The following CACNA2D3 variants were observed in gnomAD, a reference collection of about 807,000 sequenced individuals.
CACNA2D3 encodes the protein voltage-dependent calcium channel subunit alpha-2/delta-3.
A neutral mutation model predicts 160.6 loss-of-function variants in CACNA2D3; 60 were observed. That is an observed-to-expected ratio of 0.37 (90% CI 0.30 to 0.46). The LOEUF (loss-of-function observed/expected upper bound fraction) is 0.46. Among genes scored for constraint, CACNA2D3 ranks in the 20% least tolerant of loss-of-function variants. The pLI, the probability that CACNA2D3 is intolerant of heterozygous loss-of-function variation, is 1.00. For missense variants in CACNA2D3, 1,205 were observed against 1,365.0 expected (o/e 0.88, Z 1.85); for synonymous variants, 558 against 492.9 (o/e 1.13, Z -1.75).
At chr3:54,314,848 C>T (rs1213928152) in intron 2 of CACNA2D3, among the ~76,000 whole-genome samples, 2 of 152,230 alleles carry the variant, frequency 1.3e-5, no homozygotes, top group South Asian at 2.1e-4. Flanking sequence ...AGACAGGATG[C>T]AAAGCCAGCC....
intron 9 of CACNA2D3, among the ~76,000 whole-genome samples, chr3:54,617,088 G>C (rs1435225521): frequency 6.6e-6 from 1 of 152,040 alleles, no homozygotes; most frequent in African/African-American, 2.4e-5. Context: ...TTCTTTATCT[G>C]ATCTTCTCAC....
intron 34 of CACNA2D3, 102 bp downstream of exon 34, chr3:55,009,545 G>A: frequency 9.2e-7 from 1 of 1,089,764 alleles, no homozygotes. Context: ...AAATTCCCCA[G>A]GACAAAGTGA....
intron 2 of CACNA2D3, among the ~76,000 whole-genome samples, chr3:54,215,244 G>A (rs181299324): frequency 1.3e-5 from 2 of 152,206 alleles, no homozygotes; most frequent in South Asian, 4.1e-4. Context: ...GGTACACAAT[G>A]TGATGTTTTG....
At chr3:54,730,195 C>T (rs1701360691) in intron 11 of CACNA2D3, among the ~76,000 whole-genome samples, 1 of 152,122 alleles carries the variant, frequency 6.6e-6, no homozygotes, top group African/African-American at 2.4e-5. Context: ...ACTTTGCTGT[C>T]CAGGTTCTTA....
chr3:54,491,957 G>A (rs925560413), intron 4 of CACNA2D3, among the ~76,000 whole-genome samples: 2 of 152,156 alleles, frequency 1.3e-5, no homozygotes, highest in Non-Finnish European at 2.9e-5. Flanking sequence ...TTCTCAACAC[G>A]CACAGGCAGT....
chr3:54,154,330 G>A (rs1700203635), intron 2 of CACNA2D3, among the ~76,000 whole-genome samples: 1 of 152,124 alleles, frequency 6.6e-6, no homozygotes, highest in Admixed American at 6.5e-5. Flanking sequence ...CCTGATTAGG[G>A]AGGTTGTCTT....
chr3:54,633,826 C>A (rs1024864896), intron 10 of CACNA2D3: 1 of 152,208 alleles, frequency 6.6e-6, no homozygotes, highest in Admixed American at 6.5e-5. Context: ...GTACCAACCA[C>A]TTAAGGATGT....
chr3:54,821,697 T>TTCCTTCC (rs1553873684), intron 14 of CACNA2D3, among the ~76,000 whole-genome samples: 1,307 of 84,016 alleles, frequency 0.016, 33 homozygotes, highest in East Asian at 0.052. Flanking sequence ...TCTTTCTTTC[T>TTCCTTCC]TTCCTTCCTT....
chr3:55,073,896 C>T (rs753208652), intron 37 of CACNA2D3, 37 bp downstream of exon 37: 14 of 1,527,680 alleles, frequency 9.2e-6, no homozygotes, highest in East Asian at 2.3e-5. Flanking sequence ...CTTTTCCCAT[C>T]AGAATCACCA....
At chr3:54,603,749 C>T (rs555574735) in intron 9 of CACNA2D3, among the ~76,000 whole-genome samples, 2 of 152,240 alleles carry the variant, frequency 1.3e-5, no homozygotes, top group South Asian at 4.1e-4. Flanking sequence ...CTACACGAAA[C>T]AATCAAGAAT....
At chr3:54,373,733 C>T (rs1403405660) in intron 3 of CACNA2D3, among the ~76,000 whole-genome samples, 2 of 152,150 alleles carry the variant, frequency 1.3e-5, no homozygotes, top group Non-Finnish European at 2.9e-5. Context: ...GCTTTCTGAT[C>T]CTTGGAGAGG....
chr3:54,325,643 G>A (rs1293570997), intron 3 of CACNA2D3, among the ~76,000 whole-genome samples: 1 of 152,082 alleles, frequency 6.6e-6, no homozygotes, highest in Non-Finnish European at 1.5e-5. Flanking sequence ...AGCACTGGGG[G>A]GATTATAGGA....
intron 35 of CACNA2D3, among the ~76,000 whole-genome samples, chr3:55,068,511 C>T (rs1704720673): frequency 1.3e-5 from 2 of 152,174 alleles, no homozygotes; most frequent in Non-Finnish European, 2.9e-5. Flanking sequence ...ATACCTAATA[C>T]ATCTTATAAG....
intron 9 of CACNA2D3, chr3:54,626,245 T>C: frequency 1.8e-6 from 2 of 1,115,442 alleles, no homozygotes; most frequent in Non-Finnish European, 2.7e-6. Context: ...GAAGCAGACC[T>C]TCCGCAGGTT....
intron 27 of CACNA2D3, among the ~76,000 whole-genome samples, chr3:54,912,978 A>T (rs1185848585): frequency 6.6e-6 from 1 of 152,092 alleles, no homozygotes; most frequent in Non-Finnish European, 1.5e-5. Flanking sequence ...TTTTAAACTC[A>T]GGGTCTCAGT....
chr3:54,871,060 A>T (rs1041092411), intron 17 of CACNA2D3, among the ~76,000 whole-genome samples: 17 of 48,750 alleles, frequency 3.5e-4, no homozygotes, highest in Non-Finnish European at 5.7e-4. Flanking sequence ...ACACACACAC[A>T]CACACACACA....
chr3:54,878,080 A>G (rs1220245236), intron 18 of CACNA2D3, among the ~76,000 whole-genome samples: 1 of 152,256 alleles, frequency 6.6e-6, no homozygotes, highest in Non-Finnish European at 1.5e-5. Context: ...GAAGATGAGA[A>G]TGCAAACCCA....
chr3:54,939,815 C>G (rs1308852109), intron 27 of CACNA2D3, among the ~76,000 whole-genome samples: 2 of 152,204 alleles, frequency 1.3e-5, no homozygotes, highest in Non-Finnish European at 2.9e-5. Flanking sequence ...CTGCTCCTGC[C>G]CTTCGGCCCA....
chr3:54,918,886 A>G, intron 27 of CACNA2D3: 1 of 1,528,310 alleles, frequency 6.5e-7, no homozygotes, highest in Non-Finnish European at 8.8e-7. Flanking sequence ...GCCGTCTGTT[A>G]GTCCCCCTTT....
Sources: allele counts gnomAD v4.1 joint callset (sites outside exome capture counted in the v4.1 genomes callset), GRCh38; gene constraint gnomAD v4.1.1; transcripts MANE v1.5; gene names NCBI Gene and HGNC (gene_info 2026-07-23, HGNC 2026-07-21).